PRH1: variants seen among roughly 807,000 people sequenced by gnomAD.
PRH1 encodes salivary acidic proline-rich phosphoprotein 1/2.
In PRH1, 7 loss-of-function variants were observed where a neutral mutation model predicts 7.9. That is an observed-to-expected ratio of 0.89 (90% CI 0.50 to 1.67). The LOEUF (loss-of-function observed/expected upper bound fraction) is 1.67, where lower values mean the gene tolerates loss of function less well. PRH1 is among the 40% of genes most tolerant of loss of function. PRH1 has a pLI of 0.00. For synonymous variants in PRH1, 45 were observed against 80.8 expected (o/e 0.56, Z 2.38); for missense variants, 109 against 223.6 (o/e 0.49, Z 3.27).
At chr12:11,009,665 T>C (rs1218195076) in intron 1 of PRH1, among the ~76,000 whole-genome samples, 2 of 151,930 alleles carry the variant, frequency 1.3e-5, no homozygotes, top group Non-Finnish European at 2.9e-5. Context: ...GGTCTAGCCA[T>C]GTTCCTGCAA....
intron 1 of PRH1, chr12:11,031,400 T>A: frequency 6.4e-7 from 1 of 1,560,688 alleles, no homozygotes; most frequent in Non-Finnish European, 8.7e-7. Flanking sequence ...TTCCTGCAGG[T>A]GGGTTCGTGG....
chr12:11,085,140 C>A lies in PRH1; in HGVS notation n.124-37952G>T, dbSNP rs1375250228. 1.6e-5 allele frequency among the ~76,000 whole-genome samples: 2 copies of A among 121,384 alleles called. 1 individual carries two copies. Among genetic ancestry groups the A allele is most frequent in the African/African-American group, 5.6e-5 (2 of 35,412 alleles). 79.6% of individuals were successfully genotyped at this position (121,384 alleles called of 152,430 possible). A position where few individuals can be genotyped will look rare whatever the true frequency, so the allele number is the denominator to read the frequency against. Reference sequence around the variant, plus strand: ...CAACCCTTATTCATATTCTTTATTACTTTTCCTAATATTTTTCTTCAAGTT... The same window carrying A: ...CAACCCTTATTCATATTCTTTATTAATTTTCCTAATATTTTTCTTCAAGTT... On this transcript the variant is annotated intron_variant and non_coding_transcript_variant, in intron 1 of 4. Coordinates refer to the PRH1 transcript ENST00000541977.
chr12:10,979,196 CCA>C (rs1199291299), intron 1 of PRH1, among the ~76,000 whole-genome samples: 1 of 152,088 alleles, frequency 6.6e-6, no homozygotes, highest in African/African-American at 2.4e-5. Flanking sequence ...CAGCAAGTTC[CCA>C]TGCCATGCAA....
intron 2 of PRH1, chr12:10,938,617 C>T: frequency 6.2e-7 from 1 of 1,613,878 alleles, no homozygotes; most frequent in Non-Finnish European, 8.5e-7. Flanking sequence ...GGAGAAGAAA[C>T]ATTGCCAGGG....
intron 1 of PRH1, chr12:11,006,234 T>C (rs1487450218): frequency 7.3e-6 from 1 of 137,366 alleles, no homozygotes; most frequent in East Asian, 3.4e-4. Context: ...GAGGAGTTAG[T>C]ATAGCATTTG....
rs1287069352 is a variant in PRH1, at chr12:10,939,197, A to T, written c.-59+34458T>A. 6.4e-7 allele frequency: 1 copy of T among 1,564,702 alleles called. No individual in the cohort carries two copies. Reference sequence around the variant, plus strand: ...AACGAATGTAAATATGCTCTTTATGACACCACCCATTGCCTGTAAGAGCAT... The same window carrying T: ...AACGAATGTAAATATGCTCTTTATGTCACCACCCATTGCCTGTAAGAGCAT... On this transcript the variant is annotated intron_variant, in intron 2 of 3. Transcript: ENST00000539853.
rs368016840 is a variant in PRH1, at chr12:10,965,911, G to A, written c.-59+7744C>T. 3.8e-4 allele frequency among the ~76,000 whole-genome samples: 58 copies of A among 152,256 alleles called. 1 individual carries two copies. In the South Asian group the frequency reaches 8.9e-3, roughly 23 times the overall value. On this transcript the variant is annotated intron_variant, in intron 2 of 3. Coordinates refer to the PRH1 transcript ENST00000539853. ...AATCAAAGTCATCGAAAATTTTCTT[G>A]GGAACCATGGGAATGCCAATACACC...
chr12:10,910,629 G>A (rs1949884643), intron 2 of PRH1, among the ~76,000 whole-genome samples: 1 of 152,122 alleles, frequency 6.6e-6, no homozygotes, highest in Non-Finnish European at 1.5e-5. Context: ...TGTTCATTGT[G>A]AAGAGTCAAG....
intron 1 of PRH1, among the ~76,000 whole-genome samples, chr12:11,122,126 T>G (rs1352200364): frequency 6.6e-6 from 1 of 151,592 alleles, no homozygotes; most frequent in East Asian, 1.9e-4. Flanking sequence ...GTAACTTGCT[T>G]CAATGAACAG....
chr12:10,985,282 T>C (rs2135979486), intron 1 of PRH1, among the ~76,000 whole-genome samples: 1 of 152,268 alleles, frequency 6.6e-6, no homozygotes, highest in South Asian at 2.1e-4. Flanking sequence ...TATTCCTCAG[T>C]ACTGTTTATG....
At chr12:11,134,079 C>G (rs370581821) in intron 1 of PRH1, 2 of 1,614,016 alleles carry the variant, frequency 1.2e-6, no homozygotes, top group South Asian at 2.2e-5. Flanking sequence ...AGCAAACCAA[C>G]TCTGGAGACC....
At chr12:11,082,287 T>C (rs116781272) in intron 1 of PRH1, among the ~76,000 whole-genome samples, 1,285 of 115,310 alleles carry the variant, frequency 0.011, 311 homozygotes, top group African/African-American at 0.036. Flanking sequence ...GAGAACACTA[T>C]TATTCTTCCT....
intron 1 of PRH1, among the ~76,000 whole-genome samples, chr12:11,032,231 C>CT (rs1942255188): frequency 6.6e-6 from 1 of 152,126 alleles, no homozygotes; most frequent in African/African-American, 2.4e-5. Flanking sequence ...TCTTTAGTGA[C>CT]TTCAGTTGTT....
At chr12:10,988,207 G>A (rs549266420) in intron 1 of PRH1, among the ~76,000 whole-genome samples, 7 of 152,148 alleles carry the variant, frequency 4.6e-5, no homozygotes, top group African/African-American at 1.7e-4. Context: ...AGATATATGA[G>A]ATAAAAATAT....
chr12:10,985,892 T>A (rs1268520652), intron 1 of PRH1: 1 of 1,447,390 alleles, frequency 6.9e-7, no homozygotes, highest in South Asian at 1.4e-5. Flanking sequence ...ATCAGTTTGT[T>A]TTCTCCTAGA....
At chr12:10,986,011 T>C in intron 1 of PRH1, 2 of 1,613,924 alleles carry the variant, frequency 1.2e-6, no homozygotes, top group Non-Finnish European at 1.7e-6. Flanking sequence ...TTTAGCTTCT[T>C]GGTTCTCCAA....
intron 2 of PRH1, chr12:10,895,732 G>A (rs1372567023): frequency 2.0e-5 from 3 of 152,222 alleles, no homozygotes; most frequent in African/African-American, 7.2e-5. Context: ...AGATGGCCAA[G>A]CAGTTGAGAA....
At chr12:10,947,906 T>C (rs1048648047) in intron 2 of PRH1, among the ~76,000 whole-genome samples, 4 of 152,212 alleles carry the variant, frequency 2.6e-5, no homozygotes, top group African/African-American at 9.6e-5. Context: ...TGGTTGGATA[T>C]GAAATTCTTG....
chr12:11,133,683 G>C (rs754652045), intron 1 of PRH1: 1 of 1,457,956 alleles, frequency 6.9e-7, no homozygotes, highest in East Asian at 2.5e-5. Flanking sequence ...GTCAGAGTGA[G>C]GGGTACAAAG....
Sources: gnomAD v4.1 joint callset for allele counts (sites outside exome capture counted in the v4.1 genomes callset) on GRCh38, gnomAD v4.1.1 for gene constraint, MANE v1.5 for transcripts, NCBI Gene and HGNC (gene_info 2026-07-23, HGNC 2026-07-21) for gene names.